Variants in NCAM2 observed in about 807,000 individuals in gnomAD.
The protein encoded by NCAM2 is N-CAM-2.
NCAM2 carries 30 observed loss-of-function variants against 98.1 expected under a neutral mutation model. That is an observed-to-expected ratio of 0.31 (90% CI 0.23 to 0.41). The LOEUF (loss-of-function observed/expected upper bound fraction) is 0.41, where lower values mean the gene tolerates loss of function less well. Ranked by LOEUF, NCAM2 falls within the 10% of genes least tolerant of loss-of-function variation. The pLI is 1.00. For synonymous variants in NCAM2, 368 were observed against 342.4 expected (o/e 1.07, Z -0.83); for missense variants, 867 against 1,005.8 (o/e 0.86, Z 1.87).
intron 16 of NCAM2, among the ~76,000 whole-genome samples, chr21:21,521,514 T>C (rs1314661437): frequency 6.6e-6 from 1 of 152,132 alleles, no homozygotes. Context: ...ATGAGTAACA[T>C]GCTAAGAACT....
intron 1 of NCAM2, among the ~76,000 whole-genome samples, chr21:21,178,323 G>A (rs1367787462): frequency 1.3e-5 from 2 of 152,096 alleles, no homozygotes; most frequent in African/African-American, 4.8e-5. Flanking sequence ...ATTTGAGACA[G>A]AGCAATGACT....
intron 8 of NCAM2, among the ~76,000 whole-genome samples, chr21:21,344,417 C>T (rs2075132429): frequency 2.0e-5 from 3 of 152,112 alleles, no homozygotes; most frequent in Admixed American, 2.0e-4. Flanking sequence ...AATGTGATTG[C>T]AGGCCAGGCA....
At chr21:21,104,739 C>T (rs1241379671) in intron 1 of NCAM2, among the ~76,000 whole-genome samples, 1 of 152,016 alleles carries the variant, frequency 6.6e-6, no homozygotes, top group Non-Finnish European at 1.5e-5. Flanking sequence ...TAATCTCTGC[C>T]TTGGGTAGTC....
intron 1 of NCAM2, among the ~76,000 whole-genome samples, chr21:21,080,297 C>T (rs115062802): frequency 4.5e-4 from 69 of 152,158 alleles, no homozygotes; most frequent in African/African-American, 1.5e-3. Flanking sequence ...CCCCTAAAGA[C>T]ATTAACATTT....
At chr21:21,519,461 T>G (rs1988892509) in intron 16 of NCAM2, among the ~76,000 whole-genome samples, 1 of 152,038 alleles carries the variant, frequency 6.6e-6, no homozygotes, top group African/African-American at 2.4e-5. Context: ...GATTTTATAT[T>G]TGGATTAGGG....
chr21:21,170,926 G>GA (rs1332188055), intron 1 of NCAM2, among the ~76,000 whole-genome samples: 5 of 146,310 alleles, frequency 3.4e-5, no homozygotes, highest in Admixed American at 7.1e-5. Context: ...AAACAGCTCT[G>GA]AAAAATCACA....
chr21:21,336,434 A>G (rs2074871642), intron 7 of NCAM2, among the ~76,000 whole-genome samples: 1 of 151,102 alleles, frequency 6.6e-6, no homozygotes, highest in African/African-American at 2.4e-5. Flanking sequence ...GGGAGTGGGG[A>G]GGGATAGCAT....
intron 4 of NCAM2, among the ~76,000 whole-genome samples, chr21:21,289,420 G>A (rs1027027108): frequency 6.6e-6 from 1 of 151,840 alleles, no homozygotes; most frequent in African/African-American, 2.4e-5. Context: ...TAAAATAAAT[G>A]TAAACTACGT....
intron 8 of NCAM2, among the ~76,000 whole-genome samples, chr21:21,369,247 C>G (rs563317789): frequency 6.6e-6 from 1 of 151,742 alleles, no homozygotes; most frequent in African/African-American, 2.4e-5. Context: ...CAGCTTTTTC[C>G]TCTTACTGTA....
At chr21:21,258,978 C>T (rs1474028363) in intron 1 of NCAM2, among the ~76,000 whole-genome samples, 2 of 152,096 alleles carry the variant, frequency 1.3e-5, no homozygotes, top group Non-Finnish European at 2.9e-5. Context: ...GAGGTACTGA[C>T]GGCCACGAAC....
At position 21,284,189 on chromosome 21, in the gene NCAM2, T is replaced by C; in HGVS notation, c.131-5T>C. On this transcript the variant is annotated splice_polypyrimidine_tract_variant and splice_region_variant and intron_variant, in intron 2 of 17. Transcript: ENST00000400546. ...CAAACCTTTATTTTCCATGGCTCTT[T>C]GCAGCGATTGGTGAACCTGAAAGTA... 1.9e-6 allele frequency: 3 copies of C among 1,605,488 alleles called. No homozygotes were observed. Among genetic ancestry groups the C allele is most frequent in the East Asian group, 2.2e-5 (1 of 44,730 alleles).
chr21:21,314,923 C>A (rs2074172436), intron 5 of NCAM2, among the ~76,000 whole-genome samples: 1 of 152,098 alleles, frequency 6.6e-6, no homozygotes, highest in Non-Finnish European at 1.5e-5. Flanking sequence ...TTTAGATAAT[C>A]CAACATGTGT....
chr21:21,408,122 A>T (rs1216514972), intron 9 of NCAM2, among the ~76,000 whole-genome samples: 1 of 152,212 alleles, frequency 6.6e-6, no homozygotes, highest in African/African-American at 2.4e-5. Context: ...GATCAAATAG[A>T]TGCTTCCATT....
At chr21:21,304,232 G>A (rs145298665) in intron 5 of NCAM2, among the ~76,000 whole-genome samples, 14 of 151,838 alleles carry the variant, frequency 9.2e-5, no homozygotes, top group African/African-American at 3.4e-4. Context: ...TAGAAGTTTT[G>A]TAGTTGTTGT....
chr21:21,151,998 T>C (rs977821142), intron 1 of NCAM2, among the ~76,000 whole-genome samples: 1 of 152,000 alleles, frequency 6.6e-6, no homozygotes, highest in African/African-American at 2.4e-5. Context: ...TGTGGGTTTG[T>C]ATTGCTTAAT....
At chr21:21,280,462 T>C (rs954749932) in intron 1 of NCAM2, 116 bp from the exon 2 acceptor site, 3 of 644,358 alleles carry the variant, frequency 4.7e-6, no homozygotes, top group Non-Finnish European at 7.7e-6. Flanking sequence ...TTATAGGTAA[T>C]AAAAAATTGG....
At chr21:21,026,401 G>A (rs1236504246) in intron 1 of NCAM2, among the ~76,000 whole-genome samples, 1 of 152,196 alleles carries the variant, frequency 6.6e-6, no homozygotes, top group East Asian at 1.9e-4. Context: ...GCTCACGCCT[G>A]TAATCCCAGC....
intron 1 of NCAM2, among the ~76,000 whole-genome samples, chr21:21,136,252 A>G (rs1301909691): frequency 6.6e-6 from 1 of 152,196 alleles, no homozygotes; most frequent in Non-Finnish European, 1.5e-5. Context: ...ATTTGCATGT[A>G]AATAGCTAGA....
At chr21:21,428,089 C>G (rs1056084535) in intron 11 of NCAM2, among the ~76,000 whole-genome samples, 4 of 152,198 alleles carry the variant, frequency 2.6e-5, no homozygotes, top group Non-Finnish European at 4.4e-5. Flanking sequence ...TATCCAGTCT[C>G]TTAATCCAGC....
Sources: gnomAD v4.1 joint callset for allele counts (sites outside exome capture counted in the v4.1 genomes callset) on GRCh38, gnomAD v4.1.1 for gene constraint, MANE v1.5 for transcripts, NCBI Gene and HGNC (gene_info 2026-07-23, HGNC 2026-07-21) for gene names.